ETV7: variants seen among roughly 807,000 people sequenced by gnomAD.
The protein encoded by ETV7 is transcription factor ETV7.
ETV7 carries 43 observed loss-of-function variants against 39.1 expected under a neutral mutation model. The observed-to-expected ratio is 1.10, with a 90% CI of 0.86 to 1.42. The LOEUF is 1.42. ETV7 is among the 40% of genes most tolerant of loss of function. The pLI is 0.00. For missense variants in ETV7, 432 were observed against 442.3 expected (o/e 0.98, Z 0.21); for synonymous variants, 196 against 176.6 (o/e 1.11, Z -0.87).
downstream of ETV7, among the ~76,000 whole-genome samples, chr6:36,362,640 G>A (rs1772532543): frequency 6.6e-6 from 1 of 152,164 alleles, no homozygotes; most frequent in South Asian, 2.1e-4. Flanking sequence ...CTTACTCCAG[G>A]CACCCAGGGG....
rs751205521 is a variant in ETV7, at chr6:36,373,476, TG to T, written c.409del (p.Gln137SerfsTer10). On this transcript the variant is annotated frameshift_variant, in exon 4 of 8. Coordinates refer to ENST00000340181, the MANE Select transcript of ETV7 (RefSeq NM_016135.4). LOFTEE classifies it high-confidence loss of function. ...GGIFRLKTPT[Q>X]HSPVPPEEVT... is the part of the protein sequence containing the mutation. ...ACCTTCCGGGGGGACTGGAGAGTGCTGGGTGGGCGTCTTCAGCCTGAAGATC... is the reference window on the plus strand; with the variant it reads ...ACCTTCCGGGGGGACTGGAGAGTGCTGGTGGGCGTCTTCAGCCTGAAGATC... 1.6e-5 allele frequency: 25 copies of T among 1,580,366 alleles called. 1 individual carries two copies. The highest frequency in any genetic ancestry group is 9.3e-5 in the South Asian group (8 of 85,656).
intron 7 of ETV7, among the ~76,000 whole-genome samples, chr6:36,359,809 G>A (rs780476459): frequency 3.9e-5 from 6 of 152,322 alleles, no homozygotes; most frequent in Middle Eastern, 3.4e-3. Context: ...GCAGGGCAAA[G>A]GATGTTGTCT....
intron 2 of ETV7, among the ~76,000 whole-genome samples, chr6:36,376,877 A>G (rs1026786200): frequency 1.3e-5 from 2 of 152,032 alleles, no homozygotes; most frequent in Admixed American, 6.5e-5. Context: ...TACAGGCAGC[A>G]TGGGGCACAG....
chr6:36,355,764 A>G (rs9368923), intron 7 of ETV7, among the ~76,000 whole-genome samples: 119,771 of 152,188 alleles, frequency 0.79, 48,010 homozygotes, highest in African/African-American at 0.95. Flanking sequence ...ATATCTAAAT[A>G]TCAGGCCTTT....
exon 8 of ETV7, chr6:36,354,356 A>G (rs1215822182): frequency 1.3e-5 from 3 of 239,572 alleles, no homozygotes; most frequent in Non-Finnish European, 2.4e-5. Flanking sequence ...ATTTACTCCT[A>G]TGTTTTATTC....
chr6:36,363,364 A>T (rs116996028), downstream of ETV7, among the ~76,000 whole-genome samples: 447 of 151,428 alleles, frequency 3.0e-3, 5 homozygotes, highest in South Asian at 0.024. Flanking sequence ...CCGCGTCTGG[A>T]GTCGTTCGTT....
chr6:36,362,438 G>C (rs1406008509), downstream of ETV7, among the ~76,000 whole-genome samples: 1 of 152,106 alleles, frequency 6.6e-6, no homozygotes, highest in East Asian at 1.9e-4. Context: ...ACTCCAGCCT[G>C]AGTGACAGCA....
chr6:36,361,146 G>C (rs1009014516), intron 7 of ETV7, among the ~76,000 whole-genome samples: 2 of 152,302 alleles, frequency 1.3e-5, no homozygotes, highest in South Asian at 4.1e-4. Flanking sequence ...ATATTTCTGA[G>C]TTGCATATAC....
At chr6:36,364,676 C>T (rs1315384117), downstream of ETV7, among the ~76,000 whole-genome samples, 1 of 152,210 alleles carries the variant, frequency 6.6e-6, no homozygotes, top group Non-Finnish European at 1.5e-5. Flanking sequence ...GAAAGGGGCT[C>T]CCACAGTGCA....
intron 3 of ETV7, 55 bp downstream of exon 3, chr6:36,375,816 C>T (rs1561910734): frequency 6.2e-7 from 1 of 1,611,448 alleles, no homozygotes; most frequent in South Asian, 1.1e-5. Context: ...GGTACTTGGG[C>T]CATCCTGGCC....
At chr6:36,363,226 C>T (rs1450322713), downstream of ETV7, among the ~76,000 whole-genome samples, 1 of 152,224 alleles carries the variant, frequency 6.6e-6, no homozygotes, top group Non-Finnish European at 1.5e-5. Flanking sequence ...TCAGGTGGCG[C>T]ATCTGGAGTT....
chr6:36,363,176 G>A (rs1772569832), downstream of ETV7, among the ~76,000 whole-genome samples: 2 of 152,262 alleles, frequency 1.3e-5, no homozygotes, highest in South Asian at 4.1e-4. Flanking sequence ...CTGACTTCAA[G>A]AATGAAGCCG....
At chr6:36,361,910 C>G (rs1436827939), downstream of ETV7, among the ~76,000 whole-genome samples, 2 of 152,186 alleles carry the variant, frequency 1.3e-5, no homozygotes, top group East Asian at 1.9e-4. Context: ...CACCTGTAAC[C>G]CCAACACTTT....
intron 2 of ETV7, among the ~76,000 whole-genome samples, chr6:36,380,023 C>T (rs1466846674): frequency 6.6e-6 from 1 of 152,098 alleles, no homozygotes; most frequent in Admixed American, 6.5e-5. Context: ...TTGTACTGTC[C>T]ACACAGGGCT....
At chr6:36,365,920 C>T (rs1772695295), downstream of ETV7, among the ~76,000 whole-genome samples, 1 of 152,186 alleles carries the variant, frequency 6.6e-6, no homozygotes, top group African/African-American at 2.4e-5. Flanking sequence ...GCCTGTAATC[C>T]AAGCACTTTG....
chr6:36,355,569 G>A (rs1772316825), intron 7 of ETV7, among the ~76,000 whole-genome samples: 3 of 152,128 alleles, frequency 2.0e-5, no homozygotes, highest in South Asian at 4.1e-4. Flanking sequence ...GCGCCATTGC[G>A]CCTGGCTAAC....
chr6:36,368,916 G>A lies in ETV7; in HGVS notation c.807+13C>T. The A allele has an allele frequency of 6.2e-7, 1 of 1,614,118 alleles. No individual in the cohort carries two copies. Among genetic ancestry groups the A allele is most frequent in the African/African-American group, 1.3e-5 (1 of 75,024 alleles). ...CTGGTTATGTTGAGACCATTCTGCT[G>A]GCCGAGGCTCACCTTGTGATTTCCC... On this transcript the variant is annotated intron_variant, in intron 6 of 7. Transcript: ENST00000340181.
chr6:36,375,921 G>T lies in ETV7; in HGVS notation c.257C>A (p.Ala86Asp). Residue 86 changes from alanine to aspartate, a missense_variant, in exon 3 of 8, where the codon GCC becomes GAC. Transcript: ENST00000340181. ...GTCGTCCTTGGTGAGGATGCAGAGG[G>T]CGCGTCCGTTCATCTCGAACCCGTG... ...AEHGFEMNGR[A>D]LCILTKDDFR... 2 of 1,614,022 alleles carry T rather than the reference G, an allele frequency of 1.2e-6. No homozygotes were observed. The highest frequency in any genetic ancestry group is 1.7e-6 in the Non-Finnish European group (2 of 1,180,028).
At chr6:36,362,399 G>A (rs1772522709), downstream of ETV7, among the ~76,000 whole-genome samples, 1 of 152,106 alleles carries the variant, frequency 6.6e-6, no homozygotes, top group Non-Finnish European at 1.5e-5. Context: ...GGAAGCAGAG[G>A]TTGCAGTGAG....
Sources: allele counts gnomAD v4.1 joint callset (sites outside exome capture counted in the v4.1 genomes callset), GRCh38; gene constraint gnomAD v4.1.1; transcripts MANE v1.5; gene names NCBI Gene and HGNC (gene_info 2026-07-23, HGNC 2026-07-21).